Variants in ODF2L observed in about 807,000 individuals in gnomAD.
ODF2L encodes the protein outer dense fiber of sperm tails 2 like, also known as protein BCAP.
Under a neutral mutation model 86.3 loss-of-function variants are expected in ODF2L, and 76 were observed. The ratio of observed to expected loss-of-function variants is 0.88; its 90% CI spans 0.73 to 1.07. The LOEUF is 1.07. Among genes scored for constraint, ODF2L ranks in the 50% least tolerant of loss-of-function variants. The probability of loss-of-function intolerance (pLI) is 0.00; values close to 1 mark genes in which losing one functional copy is unlikely to be tolerated. For missense variants in ODF2L, 748 were observed against 717.4 expected, an observed-to-expected ratio of 1.04 and a Z score of -0.49; for synonymous variants, 241 against 231.3, an observed-to-expected ratio of 1.04 and a Z score of -0.38.
intron 7 of ODF2L, among the ~76,000 whole-genome samples, chr1:86,378,028 T>C (rs994443219): frequency 2.0e-5 from 3 of 152,222 alleles, no homozygotes; most frequent in Admixed American, 2.0e-4. Flanking sequence ...TAAATGTATG[T>C]TCCAATTTCA....
intron 8 of ODF2L, 39 bp downstream of exon 8, chr1:86,376,194 A>T: frequency 8.5e-7 from 1 of 1,173,040 alleles, no homozygotes; most frequent in Non-Finnish European, 1.2e-6. Context: ...CTACGTACAT[A>T]ATAGATCTTT....
intron 9 of ODF2L, among the ~76,000 whole-genome samples, chr1:86,372,136 C>G (rs1659829577): frequency 6.7e-6 from 1 of 149,544 alleles, no homozygotes; most frequent in Non-Finnish European, 1.5e-5. Context: ...TTGCAGTGAG[C>G]TGAGATTGCA....
chr1:86,395,909 G>A (rs994552457), intron 1 of ODF2L, 124 bp downstream of exon 1: 2 of 152,198 alleles, frequency 1.3e-5, no homozygotes, highest in Non-Finnish European at 2.9e-5. Context: ...GTGGGCGCGA[G>A]GGCCTTTTAC....
chr1:86,383,077 G>C, intron 5 of ODF2L, 57 bp downstream of exon 5: 2 of 1,292,504 alleles, frequency 1.5e-6, no homozygotes, highest in Non-Finnish European at 2.2e-6. Context: ...AAACCAAGCA[G>C]CATGCAAATA....
chr1:86,384,698 A>C (rs1333461150), exon 4 of ODF2L: 2 of 1,506,868 alleles, frequency 1.3e-6, no homozygotes, highest in Non-Finnish European at 1.8e-6. Flanking sequence ...TCTCTTTCTA[A>C]GAAGATGTTC....
At chr1:86,392,927 C>T (rs535759548) in intron 1 of ODF2L, among the ~76,000 whole-genome samples, 1 of 152,246 alleles carries the variant, frequency 6.6e-6, no homozygotes, top group South Asian at 2.1e-4. Flanking sequence ...CAGTCTACTG[C>T]CAAGAGGACA....
At chr1:86,381,235 AT>A (rs1660563288) in intron 7 of ODF2L, among the ~76,000 whole-genome samples, 1 of 152,142 alleles carries the variant, frequency 6.6e-6, no homozygotes, top group African/African-American at 2.4e-5. Context: ...GTTATAAAAA[AT>A]AACCACTACG....
At chr1:86,351,163 C>T (rs938295012) in exon 18 of ODF2L, 3 of 152,004 alleles carry the variant, frequency 2.0e-5, no homozygotes, top group Admixed American at 2.0e-4. Context: ...ATGAAGTATT[C>T]GTCCATGCCT....
intron 1 of ODF2L, among the ~76,000 whole-genome samples, chr1:86,390,648 A>G (rs554063919): frequency 5.9e-5 from 9 of 152,258 alleles, no homozygotes; most frequent in Non-Finnish European, 7.4e-5. Flanking sequence ...TATGATTAAA[A>G]CCCCCAGCAA....
chr1:86,358,547 A>C (rs1658768369), intron 13 of ODF2L: 1 of 203,008 alleles, frequency 4.9e-6, no homozygotes, highest in Admixed American at 5.9e-5. Context: ...CATCAGAAAA[A>C]TTAAACATTT....
At chr1:86,367,263 G>A (rs987892957) in intron 11 of ODF2L, among the ~76,000 whole-genome samples, 2 of 152,000 alleles carry the variant, frequency 1.3e-5, no homozygotes, top group Non-Finnish European at 2.9e-5. Flanking sequence ...CAGAATAAAG[G>A]CATTTTTAGA....
At chr1:86,361,330 C>T (rs79916686) in intron 11 of ODF2L, among the ~76,000 whole-genome samples, 2,467 of 152,244 alleles carry the variant, frequency 0.016, 81 homozygotes, top group African/African-American at 0.057. Context: ...TATATGCAGT[C>T]AAATGCATTA....
At chr1:86,347,572 G>C (rs1163441089), downstream of ODF2L, 4 of 152,178 alleles carry the variant, frequency 2.6e-5, no homozygotes, top group African/African-American at 9.7e-5. Context: ...TGGATCACTA[G>C]AAAGTAAGCA....
chr1:86,382,134 C>T (rs1013819040), intron 7 of ODF2L, 108 bp downstream of exon 7: 11 of 1,338,140 alleles, frequency 8.2e-6, no homozygotes, highest in Non-Finnish European at 8.7e-6. Context: ...CCCATGTCAA[C>T]AACTGTGTAT....
At chr1:86,362,031 T>C (rs1659073617) in intron 11 of ODF2L, among the ~76,000 whole-genome samples, 2 of 151,866 alleles carry the variant, frequency 1.3e-5, no homozygotes, top group Non-Finnish European at 2.9e-5. Context: ...GTAAAACTGA[T>C]AGGAAGTGTG....
At chr1:86,394,840 CTTTT>C (rs33996151) in intron 1 of ODF2L, among the ~76,000 whole-genome samples, 3 of 129,314 alleles carry the variant, frequency 2.3e-5, no homozygotes, top group Non-Finnish European at 4.8e-5. Flanking sequence ...TTTCTTTTTC[CTTTT>C]TTTTTTTTTT....
chr1:86,357,984 G>C, intron 13 of ODF2L: 7 of 985,414 alleles, frequency 7.1e-6, no homozygotes, highest in Non-Finnish European at 8.4e-6. Context: ...TAGGTGAAAA[G>C]TAATTCCATG....
chr1:86,352,314 T>G, intron 17 of ODF2L: 1 of 1,301,200 alleles, frequency 7.7e-7, no homozygotes, highest in South Asian at 2.2e-5. Flanking sequence ...CTATGCCAAT[T>G]GACTGTTTCA....
At chr1:86,388,867 T>C (rs1032575607) in intron 1 of ODF2L, among the ~76,000 whole-genome samples, 1 of 152,066 alleles carries the variant, frequency 6.6e-6, no homozygotes, top group African/African-American at 2.4e-5. Flanking sequence ...ACTGTAAAAA[T>C]AGGAATTCAG....
Sources: gnomAD v4.1 joint callset for allele counts (sites outside exome capture counted in the v4.1 genomes callset) on GRCh38, gnomAD v4.1.1 for gene constraint, MANE v1.5 for transcripts, NCBI Gene and HGNC (gene_info 2026-07-23, HGNC 2026-07-21) for gene names.